The following GFRA1 variants were observed in gnomAD, a reference collection of about 807,000 sequenced individuals.
GFRA1 encodes the protein GDNF family receptor alpha 1.
A neutral mutation model predicts 51.6 loss-of-function variants in GFRA1; 16 were observed. That is an observed-to-expected ratio of 0.31 (90% CI 0.21 to 0.47). GFRA1 has a LOEUF of 0.47. Among genes scored for constraint, GFRA1 ranks in the 20% least tolerant of loss-of-function variants. GFRA1 has a pLI of 1.00. For synonymous variants in GFRA1, 270 were observed against 241.3 expected (o/e 1.12, Z -1.10); for missense variants, 530 against 594.3 (o/e 0.89, Z 1.13).
At chr10:116,240,265 A>C (rs975111710) in intron 4 of GFRA1, among the ~76,000 whole-genome samples, 4 of 152,124 alleles carry the variant, frequency 2.6e-5, no homozygotes, top group African/African-American at 9.7e-5. Flanking sequence ...CAACTACTCC[A>C]CGGCTTGAGT....
chr10:116,179,825 C>T (rs1015719086), intron 5 of GFRA1, among the ~76,000 whole-genome samples: 2 of 152,148 alleles, frequency 1.3e-5, no homozygotes, highest in Non-Finnish European at 2.9e-5. Context: ...TGGAAGCGAG[C>T]AGATGCTGTA....
At chr10:116,181,407 A>C (rs2134273952) in intron 5 of GFRA1, among the ~76,000 whole-genome samples, 1 of 152,258 alleles carries the variant, frequency 6.6e-6, no homozygotes, top group South Asian at 2.1e-4. Flanking sequence ...CTGGCCTCAC[A>C]ACGGAAAGGA....
upstream of GFRA1, among the ~76,000 whole-genome samples, chr10:116,273,644 A>ACTCT (rs763760325): frequency 6.8e-6 from 1 of 146,500 alleles, no homozygotes; most frequent in African/African-American, 2.5e-5. Flanking sequence ...CCAGACACAC[A>ACTCT]CACTCTCTCT....
At chr10:116,110,360 C>G (rs1565582367) in intron 6 of GFRA1, among the ~76,000 whole-genome samples, 1 of 152,110 alleles carries the variant, frequency 6.6e-6, no homozygotes, top group Non-Finnish European at 1.5e-5. Context: ...TGCAGGGAGA[C>G]TGAGATGCAG....
chr10:116,183,220 T>C (rs916353274), intron 5 of GFRA1, among the ~76,000 whole-genome samples: 6 of 152,106 alleles, frequency 3.9e-5, no homozygotes, highest in African/African-American at 1.4e-4. Flanking sequence ...GGGCCTGGGG[T>C]TCAAAGTTGA....
chr10:116,236,664 A>G (rs980486237), intron 4 of GFRA1, among the ~76,000 whole-genome samples: 3 of 152,222 alleles, frequency 2.0e-5, no homozygotes, highest in Non-Finnish European at 4.4e-5. Flanking sequence ...TAAAGAACAT[A>G]TTTATCTAAC....
intron 5 of GFRA1, among the ~76,000 whole-genome samples, chr10:116,206,622 CTTTTTTTTTTTTT>C (rs5788142): frequency 2.4e-5 from 2 of 84,494 alleles, no homozygotes; most frequent in African/African-American, 4.3e-5. Context: ...ACCACATTCT[CTTTTTTTTTTTTT>C]TTTTTTTTTT....
intron 5 of GFRA1, among the ~76,000 whole-genome samples, chr10:116,190,871 TC>T (rs1433864265): frequency 6.6e-6 from 1 of 152,202 alleles, no homozygotes. Flanking sequence ...AATAACACAA[TC>T]CAGAGAATTA....
At chr10:116,129,174 A>G (rs1322312771) in intron 5 of GFRA1, among the ~76,000 whole-genome samples, 1 of 152,236 alleles carries the variant, frequency 6.6e-6, no homozygotes. Context: ...ACCTTTCCGA[A>G]CTTGACATTT....
chr10:116,140,444 G>A (rs978851135), intron 5 of GFRA1, among the ~76,000 whole-genome samples: 7 of 152,260 alleles, frequency 4.6e-5, no homozygotes, highest in Non-Finnish European at 4.4e-5. Context: ...TAGTATAAGT[G>A]GGACCATATT....
At chr10:116,104,283 T>C (rs1405236583) in intron 6 of GFRA1, among the ~76,000 whole-genome samples, 1 of 152,238 alleles carries the variant, frequency 6.6e-6, no homozygotes, top group African/African-American at 2.4e-5. Flanking sequence ...GAAAGGCCCC[T>C]GTGGCCAAGT....
chr10:116,245,169 T>TAC (rs1380299112), intron 4 of GFRA1, among the ~76,000 whole-genome samples: 4 of 152,212 alleles, frequency 2.6e-5, no homozygotes, highest in Non-Finnish European at 5.9e-5. Context: ...CCCAGTGAAA[T>TAC]ACATATCTGA....
chr10:116,102,466 G>T (rs1479355389), intron 6 of GFRA1, among the ~76,000 whole-genome samples: 1 of 152,150 alleles, frequency 6.6e-6, no homozygotes, highest in African/African-American at 2.4e-5. Context: ...GCACTGCAGG[G>T]CTTGACCACT....
At chr10:116,197,195 G>A (rs1963951805) in intron 5 of GFRA1, among the ~76,000 whole-genome samples, 1 of 152,038 alleles carries the variant, frequency 6.6e-6, no homozygotes, top group Admixed American at 6.6e-5. Context: ...GGGGGCTTTG[G>A]GAGGTGATTA....
intron 4 of GFRA1, among the ~76,000 whole-genome samples, chr10:116,238,129 C>T (rs1219016166): frequency 6.6e-6 from 1 of 152,118 alleles, no homozygotes; most frequent in East Asian, 1.9e-4. Flanking sequence ...AATTTAACAC[C>T]GGAATTATAT....
intron 6 of GFRA1, among the ~76,000 whole-genome samples, chr10:116,103,109 A>G (rs1048676160): frequency 2.6e-5 from 4 of 152,156 alleles, no homozygotes; most frequent in Non-Finnish European, 5.9e-5. Flanking sequence ...CATCTTAGCA[A>G]ATTATTCAAC....
chr10:116,064,226 C>A lies in GFRA1; in HGVS notation c.*172G>T. 1.6e-6 allele frequency: 1 copy of A among 625,652 alleles called. No homozygotes were observed. The highest frequency in any genetic ancestry group is 2.8e-6 in the Non-Finnish European group (1 of 357,704). The allele number at this position is 625,652 out of a possible 1,614,324, so 38.8% of individuals were successfully genotyped here. ...CTGCATCAGGTTTTTCACAGAAGCCCCAAAGGATCACAAGAAGCTTTCTTA... is the reference window on the plus strand; with the variant it reads ...CTGCATCAGGTTTTTCACAGAAGCCACAAAGGATCACAAGAAGCTTTCTTA... On this transcript the variant is annotated 3_prime_UTR_variant, in exon 11 of 11. Coordinates refer to ENST00000355422, the MANE Select transcript of GFRA1 (RefSeq NM_005264.8).
At chr10:116,147,650 TTC>T (rs1288747551) in intron 5 of GFRA1, among the ~76,000 whole-genome samples, 4 of 152,174 alleles carry the variant, frequency 2.6e-5, no homozygotes, top group African/African-American at 4.8e-5. Flanking sequence ...CACATCAAAC[TTC>T]TTTTTGTAGA....
In GFRA1 at chr10:116,237,014, A is replaced by G. The variant is rs1966919277; in HGVS notation, c.419-25369T>C. On this transcript the variant is annotated intron_variant, in intron 4 of 10. Coordinates refer to ENST00000355422, the MANE Select transcript of GFRA1 (RefSeq NM_005264.8). Reference sequence around the variant, plus strand: ...AAACTTGCAAAACTGTGCTATCATTATTTTATAAGAAGTAATATATGTATA... The same window carrying G: ...AAACTTGCAAAACTGTGCTATCATTGTTTTATAAGAAGTAATATATGTATA... Among the ~76,000 whole-genome samples the G allele has an allele frequency of 2.6e-5, 4 of 152,220 alleles. No homozygotes were observed. The South Asian group carries it at 8.3e-4, about 32-fold the overall frequency.
Sources: allele counts gnomAD v4.1 joint callset (sites outside exome capture counted in the v4.1 genomes callset), GRCh38; gene constraint gnomAD v4.1.1; transcripts MANE v1.5; gene names NCBI Gene and HGNC (gene_info 2026-07-23, HGNC 2026-07-21).